PRKCE: variants seen among roughly 807,000 people sequenced by gnomAD.
PRKCE encodes protein kinase C epsilon type.
Under a neutral mutation model 85.4 loss-of-function variants are expected in PRKCE, and 16 were observed. That is an observed-to-expected ratio of 0.19 (90% CI 0.13 to 0.28). The LOEUF (loss-of-function observed/expected upper bound fraction) is 0.28. Among genes scored for constraint, PRKCE ranks in the 10% least tolerant of loss-of-function variants. The pLI is 1.00. For synonymous variants in PRKCE, 388 were observed against 371.5 expected (o/e 1.04, Z -0.51); for missense variants, 573 against 975.2 (o/e 0.59, Z 5.49).
intron 13 of PRKCE, among the ~76,000 whole-genome samples, chr2:46,156,965 T>C (rs1677270860): frequency 6.6e-6 from 1 of 152,216 alleles, no homozygotes. Flanking sequence ...TTCTTATTTC[T>C]TTTTCTGTGT....
intron 11 of PRKCE, among the ~76,000 whole-genome samples, chr2:46,095,784 A>T (rs978911934): frequency 6.6e-6 from 1 of 152,272 alleles, no homozygotes; most frequent in Admixed American, 6.5e-5. Flanking sequence ...GAAGGAAAGT[A>T]AAATAGTGGT....
intron 11 of PRKCE, among the ~76,000 whole-genome samples, chr2:46,135,206 C>T (rs542599290): frequency 2.0e-5 from 3 of 152,326 alleles, no homozygotes; most frequent in East Asian, 3.8e-4. Context: ...CATTGTCTGG[C>T]TTATCTGTTA....
intron 11 of PRKCE, among the ~76,000 whole-genome samples, chr2:46,087,006 G>T (rs925299079): frequency 1.3e-5 from 2 of 152,082 alleles, no homozygotes; most frequent in Non-Finnish European, 2.9e-5. Flanking sequence ...AACTACAAAG[G>T]CTCTTCTGTG....
chr2:45,683,688 C>G (rs1302151617), intron 1 of PRKCE, among the ~76,000 whole-genome samples: 1 of 152,122 alleles, frequency 6.6e-6, no homozygotes, highest in Non-Finnish European at 1.5e-5. Context: ...ATCTTCTTAC[C>G]TTGAACAAGT....
intron 10 of PRKCE, among the ~76,000 whole-genome samples, chr2:46,024,652 C>G (rs1250762640): frequency 6.6e-6 from 1 of 152,170 alleles, no homozygotes; most frequent in Non-Finnish European, 1.5e-5. Flanking sequence ...GTGGCCTTCC[C>G]TGGACTTCAG....
At chr2:45,767,293 G>A (rs1238531334) in intron 1 of PRKCE, among the ~76,000 whole-genome samples, 3 of 152,124 alleles carry the variant, frequency 2.0e-5, no homozygotes, top group Admixed American at 1.3e-4. Flanking sequence ...AAAGGAACAA[G>A]AAAGTAAAAA....
intron 2 of PRKCE, 137 bp downstream of exon 2, chr2:45,843,200 T>C: frequency 2.5e-6 from 2 of 796,896 alleles, no homozygotes; most frequent in Non-Finnish European, 2.0e-6. Flanking sequence ...AAAGGTTATT[T>C]TGAAGATGCT....
At chr2:45,877,041 T>C (rs1193890840) in intron 2 of PRKCE, among the ~76,000 whole-genome samples, 3 of 152,348 alleles carry the variant, frequency 2.0e-5, no homozygotes, top group African/African-American at 4.8e-5. Context: ...CCAGAACTTT[T>C]ACCTTGTTTC....
Position 46,010,350 on chromosome 2 carries a change from T to C in PRKCE, c.1270T>C (p.Leu424=). ...LGKGSFGKVM[L]AELKGKDEVY... ...GGCAATTGATTGATTGCAGGTCATGTTGGCAGAACTCAAGGGCAAAGATGA... is the reference window on the plus strand; with the variant it reads ...GGCAATTGATTGATTGCAGGTCATGCTGGCAGAACTCAAGGGCAAAGATGA... The change falls in exon 10 of 15, where the codon TTG becomes CTG. Residue 424 remains leucine (L), a synonymous_variant. Transcript: ENST00000306156. 5 of 1,592,424 alleles carry C rather than the reference T, an allele frequency of 3.1e-6. No homozygotes were observed. The highest frequency in any genetic ancestry group is 4.3e-6 in the Non-Finnish European group (5 of 1,174,492).
intron 1 of PRKCE, among the ~76,000 whole-genome samples, chr2:45,831,995 G>T (rs1276342803): frequency 6.6e-6 from 1 of 152,160 alleles, no homozygotes; most frequent in African/African-American, 2.4e-5. Context: ...TAAACTAAAT[G>T]ATTTTTAAGG....
intron 10 of PRKCE, among the ~76,000 whole-genome samples, chr2:46,024,728 C>G (rs1706963143): frequency 6.6e-6 from 1 of 152,130 alleles, no homozygotes; most frequent in South Asian, 2.1e-4. Flanking sequence ...GACTTTTGTT[C>G]TCAGTGTTTC....
chr2:46,123,148 C>CAA (rs71394873), intron 11 of PRKCE, among the ~76,000 whole-genome samples: 33,826 of 84,162 alleles, frequency 0.4, 8,752 homozygotes, highest in East Asian at 0.9. Context: ...AGTTCACTAG[C>CAA]AAAAAAAAAA....
intron 2 of PRKCE, among the ~76,000 whole-genome samples, chr2:45,887,085 G>T (rs866840290): frequency 1.3e-5 from 2 of 152,156 alleles, no homozygotes; most frequent in Admixed American, 1.3e-4. Flanking sequence ...GTTTTTACAT[G>T]GTGTCTATCT....
At chr2:45,941,065 T>TAAAAAAAAAAA (rs397781944) in intron 2 of PRKCE, among the ~76,000 whole-genome samples, 687 of 67,126 alleles carry the variant, frequency 0.01, 38 homozygotes, top group East Asian at 0.072. Context: ...GACTTCATCC[T>TAAAAAAAAAAA]AAAAAAAAAA....
At chr2:46,010,694 T>C (rs1705594911) in intron 10 of PRKCE, 177 bp downstream of exon 10, 1 of 1,598,404 alleles carries the variant, frequency 6.3e-7, no homozygotes, top group Non-Finnish European at 8.5e-7. Flanking sequence ...GGCACAGGAT[T>C]TTCCATTCAA....
At chr2:46,102,903 CA>C (rs1443416459) in intron 11 of PRKCE, among the ~76,000 whole-genome samples, 2 of 152,152 alleles carry the variant, frequency 1.3e-5, no homozygotes, top group African/African-American at 2.4e-5. Flanking sequence ...CAGGTTTCTC[CA>C]CTGTAAAGTT....
At chr2:46,082,022 G>T (rs1055764254) in intron 10 of PRKCE, among the ~76,000 whole-genome samples, 2 of 152,162 alleles carry the variant, frequency 1.3e-5, no homozygotes, top group Non-Finnish European at 2.9e-5. Context: ...TTGAACCTGG[G>T]AGGCGAGGTT....
At chr2:45,720,582 C>T (rs1456704990) in intron 1 of PRKCE, among the ~76,000 whole-genome samples, 1 of 152,160 alleles carries the variant, frequency 6.6e-6, no homozygotes, top group African/African-American at 2.4e-5. Flanking sequence ...CCTCTTTGCC[C>T]ACATTCACTT....
At chr2:46,027,658 G>C (rs1421773373) in intron 10 of PRKCE, among the ~76,000 whole-genome samples, 1 of 152,104 alleles carries the variant, frequency 6.6e-6, no homozygotes, top group East Asian at 1.9e-4. Flanking sequence ...CCAAAAATTC[G>C]AACTTTAACA....
Sources: allele counts gnomAD v4.1 joint callset (sites outside exome capture counted in the v4.1 genomes callset), GRCh38; gene constraint gnomAD v4.1.1; transcripts MANE v1.5; gene names NCBI Gene and HGNC (gene_info 2026-07-23, HGNC 2026-07-21).